The following RPS6KA4 variants were observed in gnomAD, a reference collection of about 807,000 sequenced individuals.
RPS6KA4 encodes the protein ribosomal protein S6 kinase A4.
RPS6KA4 carries 38 observed loss-of-function variants against 89.6 expected under a neutral mutation model. That is an observed-to-expected ratio of 0.42 (90% confidence interval 0.33 to 0.56). The LOEUF is 0.56. RPS6KA4 is among the 20% of genes least tolerant of loss of function. RPS6KA4 has a pLI of 0.07. For missense variants in RPS6KA4, 873 were observed against 1,098.8 expected, an observed-to-expected ratio of 0.79 and a Z score of 2.90; for synonymous variants, 495 against 492.8, an observed-to-expected ratio of 1.00 and a Z score of -0.06.
At chr11:64,360,910 A>T in intron 4 of RPS6KA4, 1 of 570,408 alleles carries the variant, frequency 1.8e-6, no homozygotes, top group Non-Finnish European at 3.1e-6. Context: ...CTCTTCACAC[A>T]GACTTTCCTC....
At chr11:64,368,105 C>A in intron 9 of RPS6KA4, 27 bp from the exon 10 acceptor site, 1 of 1,611,362 alleles carries the variant, frequency 6.2e-7, no homozygotes, top group Non-Finnish European at 8.5e-7. Flanking sequence ...CATGCCCATG[C>A]CCATTCCCCG....
In RPS6KA4 at chr11:64,361,904, C is replaced by A; in HGVS notation, c.808C>A (p.Gln270Lys). The A allele has an allele frequency of 6.2e-7, 1 of 1,613,118 alleles. No individual in the cohort carries two copies. The highest frequency in any genetic ancestry group is 8.5e-7 in the Non-Finnish European group (1 of 1,179,870). The change falls in exon 8 of 17, where the codon CAG (glutamine) becomes AAG (lysine). Residue 270 changes from glutamine (Q) to lysine (K), a missense_variant. Around this residue, in one of 4 missense-constraint regions of RPS6KA4, gnomAD observed 542 missense variants for 736.4 expected, o/e 0.74. Transcript: ENST00000334205. The surrounding 1 kb of genome is among the most constrained non-coding windows in gnomAD (Gnocchi z 4.7). ...CCCCCCTCGGATCGGGCCCGTGGCGCAGGACCTGCTGCAGCGGCTGCTTTG... is the reference window on the plus strand; with the variant it reads ...CCCCCCTCGGATCGGGCCCGTGGCGAAGGACCTGCTGCAGCGGCTGCTTTG... ...PFPPRIGPVA[Q>K]DLLQRLLCKD...
Position 64,370,011 on chromosome 11 carries a change from C to A in RPS6KA4, c.1797+118C>A. 2 of 1,216,682 alleles carry A rather than the reference C, an allele frequency of 1.6e-6. No homozygotes were observed. Among genetic ancestry groups the A allele is most frequent in the Non-Finnish European group, 2.2e-6 (2 of 901,814 alleles). The allele number at this position is 1,216,682 out of a possible 1,614,324, so 75.4% of individuals were successfully genotyped here. A position where few individuals can be genotyped will look rare whatever the true frequency, so the allele number is the denominator to read the frequency against. On this transcript the variant is annotated intron_variant, in intron 14 of 16. Coordinates refer to ENST00000334205, the MANE Select transcript of RPS6KA4 (RefSeq NM_003942.3). The surrounding 1 kb of genome is among the most constrained non-coding windows in gnomAD (Gnocchi z 4.1). ...CTTGGTGGGGGCGGCTGGGTTTCGT[C>A]CGAAGCTGGGATCGGGGTGGTTCAA...
In RPS6KA4 at chr11:64,369,875, G is replaced by A; in HGVS notation, c.1779G>A (p.Trp593Ter). The A allele has an allele frequency of 6.5e-7, 1 of 1,548,728 alleles. No homozygotes were observed. Among genetic ancestry groups the A allele is most frequent in the South Asian group, 1.2e-5 (1 of 84,762 alleles). ...QQGYDESCDL[W>*]SLGVILYMML... Reference sequence around the variant, plus strand: ...GCTACGACGAGTCCTGCGACCTCTGGAGCCTGGGCGTCATTCTGGTATGGG... The same window carrying A: ...GCTACGACGAGTCCTGCGACCTCTGAAGCCTGGGCGTCATTCTGGTATGGG... Residue 593 changes from tryptophan (W) to a stop codon, truncating the protein, a stop_gained, in exon 14 of 17, where the codon TGG becomes TGA. Coordinates refer to ENST00000334205, the MANE Select transcript of RPS6KA4 (RefSeq NM_003942.3). LOFTEE classifies it high-confidence loss of function.
intron 8 of RPS6KA4, among the ~76,000 whole-genome samples, chr11:64,362,797 A>C (rs1248823925): frequency 6.6e-6 from 1 of 152,166 alleles, no homozygotes; most frequent in Admixed American, 6.5e-5. Flanking sequence ...CAGCCTCCCA[A>C]GTAGCTGGGA....
intron 12 of RPS6KA4, among the ~76,000 whole-genome samples, 182 bp downstream of exon 12, chr11:64,368,979 G>A (rs971265280): frequency 2.0e-5 from 3 of 152,088 alleles, no homozygotes; most frequent in African/African-American, 4.8e-5. Flanking sequence ...ACGGGAAGGC[G>A]GAGCTGAGGA....
In RPS6KA4 at chr11:64,364,033, G is replaced by C. The variant is rs1454317229; in HGVS notation, c.907-1268G>C. On this transcript the variant is annotated intron_variant, in intron 8 of 16. Transcript: ENST00000334205. ...TATTATACTTACTTATAAATAAGTG[G>C]CTTACTTATTTTTCTTTTCACATAA... Among the ~76,000 whole-genome samples, 18 of 152,070 alleles carry C rather than the reference G, an allele frequency of 1.2e-4. 1 individual carries two copies.
chr11:64,369,516 A>C lies in RPS6KA4; in HGVS notation c.1499A>C (p.His500Pro). The change falls in exon 13 of 17, where the codon CAC (histidine) becomes CCC (proline). Residue 500 changes from histidine (H) to proline (P), a missense_variant. By Grantham distance (77) the His-to-Pro change is moderately conservative. This residue lies in a region of RPS6KA4 where 542 missense variants were observed against 736.4 expected (regional missense o/e 0.74). Transcript: ENST00000334205. ...CTGGAGCACATCCGCAAGAAGCGGCACTTCAGCGAGTCGGAAGCAAGCCAG... is the reference window on the plus strand; with the variant it reads ...CTGGAGCACATCCGCAAGAAGCGGCCCTTCAGCGAGTCGGAAGCAAGCCAG... Reference protein sequence around the residue: ...ELLEHIRKKRHFSESEASQIL... With the variant: ...ELLEHIRKKRPFSESEASQIL... 6.2e-7 allele frequency: 1 copy of C among 1,609,866 alleles called. No individual in the cohort carries two copies. The highest frequency in any genetic ancestry group is 8.5e-7 in the Non-Finnish European group (1 of 1,178,790).
intron 8 of RPS6KA4, among the ~76,000 whole-genome samples, chr11:64,364,998 C>T (rs2036844450): frequency 6.6e-6 from 1 of 151,530 alleles, no homozygotes; most frequent in Admixed American, 6.6e-5. Flanking sequence ...GGTGATCCAG[C>T]TGCCTTGGCC....
intron 9 of RPS6KA4, among the ~76,000 whole-genome samples, chr11:64,367,393 C>T (rs1045078176): frequency 6.6e-6 from 1 of 152,228 alleles, no homozygotes; most frequent in African/African-American, 2.4e-5. Context: ...TCACCGCAAC[C>T]TCTGCCTCCC....
rs1359337335 is a variant in RPS6KA4, at chr11:64,359,214, G to A, written c.-22G>A. On this transcript the variant is annotated 5_prime_UTR_variant, in exon 1 of 17. Coordinates refer to ENST00000334205, the MANE Select transcript of RPS6KA4 (RefSeq NM_003942.3). ...GCGCCGCCCGGAGCCCGAGCCGCGC[G>A]GGCCCCAGCGACCCGCCCGCCATGG... The A allele has an allele frequency of 1.5e-6, 2 of 1,319,870 alleles. No homozygotes were observed. The highest frequency in any genetic ancestry group is 2.1e-5 in the South Asian group (1 of 48,308). The allele number at this position is 1,319,870 out of a possible 1,614,324, so 81.8% of individuals were successfully genotyped here.
At chr11:64,363,133 T>C (rs1470377538) in intron 8 of RPS6KA4, among the ~76,000 whole-genome samples, 1 of 152,208 alleles carries the variant, frequency 6.6e-6, no homozygotes, top group Non-Finnish European at 1.5e-5. Flanking sequence ...AGGCATCAGA[T>C]TTGCCATCCG....
chr11:64,368,613 C>G lies in RPS6KA4; in HGVS notation c.1334+12C>G, dbSNP rs888714671. The G allele has an allele frequency of 1.9e-6, 3 of 1,591,330 alleles. No individual in the cohort carries two copies. The highest frequency in any genetic ancestry group is 1.8e-5 in the Admixed American group (1 of 56,740). On this transcript the variant is annotated intron_variant, in intron 11 of 16. Transcript: ENST00000334205. ...ATCCTCAGTCGCAGGTGGGAGGGCCCAGGCGCGGGCAGGGGTGGGGGTGGC... is the reference window on the plus strand; with the variant it reads ...ATCCTCAGTCGCAGGTGGGAGGGCCGAGGCGCGGGCAGGGGTGGGGGTGGC...
rs554808868 is a variant in RPS6KA4 at position 64,368,448 on chromosome 11, G to A, written c.1201-20G>A. ...CCTCTGACGCGCCGCCTTCGCCTTC[G>A]CCTTCGCCTTCGCCTCCAGGACTCG... is the stretch of plus-strand genomic sequence containing the variant. On this transcript the variant is annotated intron_variant, in intron 10 of 16. Coordinates refer to ENST00000334205, the MANE Select transcript of RPS6KA4 (RefSeq NM_003942.3). 42 of 1,546,622 alleles carry A rather than the reference G, an allele frequency of 2.7e-5. No individual in the cohort carries two copies. The highest frequency in any genetic ancestry group is 9.6e-6 in the Non-Finnish European group (11 of 1,146,368).
Position 64,368,197 on chromosome 11 carries a change from G to T in RPS6KA4, c.1137G>T (p.Leu379=). 1 of 1,613,768 alleles carries T rather than the reference G, an allele frequency of 6.2e-7. No homozygotes were observed. Among genetic ancestry groups the T allele is most frequent in the South Asian group, 1.1e-5 (1 of 91,090 alleles). Residue 379 remains leucine, a synonymous_variant, in exon 10 of 17, where the codon CTG becomes CTT. Transcript: ENST00000334205. ...DHNNAVMTDG[L]EAPGAGDRPG... is the part of the protein sequence containing the mutation. ...ACAACGCGGTGATGACCGATGGGCT[G>T]GAAGCGCCTGGTGCTGGAGACCGGC...
rs2037019770 is a variant in RPS6KA4 at position 64,370,161 on chromosome 11, G to A, written c.1798-64G>A. On this transcript the variant is annotated intron_variant, in intron 14 of 16. Transcript: ENST00000334205. This position sits in a 1 kb window ranked among gnomAD's most constrained non-coding sequence, Gnocchi z 4.1. ...GTGGGGAGGGTGAGTGGTTCTGTGGGAGCGGAGGGGTCAGCCTCGGCACCC... is the reference window on the plus strand; with the variant it reads ...GTGGGGAGGGTGAGTGGTTCTGTGGAAGCGGAGGGGTCAGCCTCGGCACCC... The A allele has an allele frequency of 2.6e-5, 39 of 1,492,162 alleles. No individual in the cohort carries two copies. Among genetic ancestry groups the A allele is most frequent in the Non-Finnish European group, 3.4e-5 (38 of 1,120,636 alleles). 92.4% of individuals were successfully genotyped at this position (1,492,162 alleles called of 1,614,324 possible).
At chr11:64,369,652 G>A (rs775882316) in intron 13 of RPS6KA4, 33 bp downstream of exon 13, 3 of 1,600,034 alleles carry the variant, frequency 1.9e-6, no homozygotes, top group East Asian at 2.3e-5. Context: ...GGGGCGGAGC[G>A]GTGGCGCCGG....
At position 64,369,575 on chromosome 11, in the gene RPS6KA4, A is replaced by G; in HGVS notation, c.1558A>G (p.Met520Val). 6.2e-7 allele frequency: 1 copy of G among 1,606,704 alleles called. No homozygotes were observed. The highest frequency in any genetic ancestry group is 1.1e-5 in the South Asian group (1 of 90,308). ...LRSLVSAVSF[M>V]HEEAGVVHRD... ...CAGCCTCGTGTCGGCCGTGAGCTTC[A>G]TGCACGAGGAGGCGGGCGTGGTGCA... The change falls in exon 13 of 17, where the codon ATG becomes GTG. Residue 520 changes from methionine to valine, a missense_variant. Transcript: ENST00000334205.
intron 9 of RPS6KA4, among the ~76,000 whole-genome samples, chr11:64,367,199 G>A (rs369349872): frequency 3.9e-5 from 6 of 152,200 alleles, no homozygotes; most frequent in African/African-American, 1.2e-4. Flanking sequence ...AGGCTGGAGT[G>A]CAGTTGGGCA....
Sources: allele counts gnomAD v4.1 joint callset (sites outside exome capture counted in the v4.1 genomes callset), GRCh38; gene constraint gnomAD v4.1.1; regional missense constraint gnomAD v4.1.1; non-coding constraint Gnocchi (gnomAD v3.1); transcripts MANE v1.5; gene names NCBI Gene and HGNC (gene_info 2026-07-23, HGNC 2026-07-21).